HIVEP3: variants seen among roughly 807,000 people sequenced by gnomAD.
HIVEP3 encodes HIVEP zinc finger 3, also known as transcription factor HIVEP3.
A neutral mutation model predicts 152.8 loss-of-function variants in HIVEP3; 49 were observed. That is an observed-to-expected ratio of 0.32 (90% CI 0.26 to 0.41). HIVEP3 has a LOEUF of 0.41. Among genes scored for constraint, HIVEP3 ranks in the 10% least tolerant of loss-of-function variants. The probability of loss-of-function intolerance (pLI) is 1.00; values close to 1 mark genes in which losing one functional copy is unlikely to be tolerated. For synonymous variants in HIVEP3, 1,269 were observed against 1,289.0 expected (o/e 0.98, Z 0.33); for missense variants, 2,790 against 3,103.3 (o/e 0.90, Z 2.40).
At chr1:41,899,786 C>T (rs1644591637) in intron 1 of HIVEP3, among the ~76,000 whole-genome samples, 1 of 152,182 alleles carries the variant, frequency 6.6e-6, no homozygotes. Context: ...CTATGAAGTA[C>T]TATTATTACC....
chr1:41,775,359 T>C (rs180818860), intron 1 of HIVEP3, among the ~76,000 whole-genome samples: 2 of 152,354 alleles, frequency 1.3e-5, no homozygotes, highest in Admixed American at 1.3e-4. Flanking sequence ...CTGTTCTTTC[T>C]AGCAGAGCTG....
At chr1:41,527,962 C>G (rs1643056145) in intron 5 of HIVEP3, among the ~76,000 whole-genome samples, 1 of 148,004 alleles carries the variant, frequency 6.8e-6, no homozygotes, top group Non-Finnish European at 1.5e-5. Flanking sequence ...GCACCCCACA[C>G]CCTTGCATTC....
intron 1 of HIVEP3, among the ~76,000 whole-genome samples, chr1:42,034,588 G>C (rs1645630577): frequency 6.6e-6 from 1 of 152,200 alleles, no homozygotes; most frequent in South Asian, 2.1e-4. Context: ...AGGCAGGACT[G>C]TACACTTATG....
intron 1 of HIVEP3, among the ~76,000 whole-genome samples, chr1:41,961,348 G>A (rs920433893): frequency 6.6e-6 from 1 of 152,206 alleles, no homozygotes; most frequent in Admixed American, 6.5e-5. Flanking sequence ...TAAAATGATT[G>A]CTATTATTTT....
intron 1 of HIVEP3, among the ~76,000 whole-genome samples, chr1:41,972,616 C>T (rs1362175033): frequency 1.3e-5 from 2 of 152,158 alleles, no homozygotes; most frequent in African/African-American, 2.4e-5. Flanking sequence ...ACCTGATCTA[C>T]TTTAAGAGTC....
At chr1:41,858,184 T>C (rs1399308031) in intron 1 of HIVEP3, among the ~76,000 whole-genome samples, 1 of 151,938 alleles carries the variant, frequency 6.6e-6, no homozygotes, top group Non-Finnish European at 1.5e-5. Context: ...TAGGTGGCCC[T>C]GCAGATGCTA....
At chr1:42,017,304 T>A (rs1645528971) in intron 1 of HIVEP3, among the ~76,000 whole-genome samples, 1 of 152,198 alleles carries the variant, frequency 6.6e-6, no homozygotes, top group Non-Finnish European at 1.5e-5. Flanking sequence ...CAGGTTTTTT[T>A]AAATAAAAAA....
intron 1 of HIVEP3, among the ~76,000 whole-genome samples, chr1:41,843,171 C>T (rs1164453964): frequency 1.1e-4 from 16 of 152,136 alleles, no homozygotes; most frequent in African/African-American, 2.4e-5. Flanking sequence ...CCACATTTCA[C>T]GGCATATGCG....
At chr1:41,950,813 TA>T (rs1031928291) in intron 1 of HIVEP3, among the ~76,000 whole-genome samples, 1 of 152,232 alleles carries the variant, frequency 6.6e-6, no homozygotes. Context: ...ACTATTGATT[TA>T]AAAAATAAAA....
intron 5 of HIVEP3, among the ~76,000 whole-genome samples, chr1:41,538,079 G>T (rs1381309339): frequency 6.6e-6 from 1 of 152,210 alleles, no homozygotes. Flanking sequence ...TACAGACAAT[G>T]AGCAAAGTGC....
intron 1 of HIVEP3, among the ~76,000 whole-genome samples, chr1:41,710,291 C>A (rs1215341824): frequency 6.6e-6 from 1 of 152,116 alleles, no homozygotes; most frequent in East Asian, 1.9e-4. Context: ...TAAAAGTGTA[C>A]CCTCTTCATG....
chr1:41,727,805 C>T (rs1185021789), intron 1 of HIVEP3, among the ~76,000 whole-genome samples: 2 of 152,328 alleles, frequency 1.3e-5, no homozygotes, highest in Non-Finnish European at 1.5e-5. Context: ...CAGCTACTTC[C>T]TGCTGGGTCA....
rs960660024 is a variant in HIVEP3 at position 41,903,735 on chromosome 1, C to A, written c.-801+14678G>T. On this transcript the variant is annotated intron_variant, in intron 1 of 8. Coordinates refer to ENST00000372583, the MANE Select transcript of HIVEP3 (RefSeq NM_024503.5). ...GCTGGCCAGGAGCTAAGGCTGATGG[C>A]TTTCTGTCCAGGGAGCCGTTTAGAC... 6.6e-5 allele frequency among the ~76,000 whole-genome samples: 10 copies of A among 152,114 alleles called. No individual in the cohort carries two copies. In the South Asian group the frequency reaches 1.2e-3, roughly 19 times the overall value.
chr1:41,715,758 TG>T (rs1450636372), intron 1 of HIVEP3, among the ~76,000 whole-genome samples: 2 of 152,218 alleles, frequency 1.3e-5, no homozygotes, highest in East Asian at 3.9e-4. Flanking sequence ...CTTAGGACTA[TG>T]GTTGGGCCTC....
chr1:41,620,782 C>T (rs1042464232), intron 3 of HIVEP3, among the ~76,000 whole-genome samples: 2 of 152,202 alleles, frequency 1.3e-5, no homozygotes, highest in African/African-American at 4.8e-5. Flanking sequence ...CCCATTCACC[C>T]AGTCACTCAC....
intron 1 of HIVEP3, among the ~76,000 whole-genome samples, chr1:41,960,003 G>A (rs1645161084): frequency 6.6e-6 from 1 of 152,204 alleles, no homozygotes; most frequent in East Asian, 1.9e-4. Context: ...TACATATGAC[G>A]GGTGACCCAC....
At chr1:41,726,814 C>T (rs1325096399) in intron 1 of HIVEP3, among the ~76,000 whole-genome samples, 2 of 152,124 alleles carry the variant, frequency 1.3e-5, no homozygotes, top group South Asian at 2.1e-4. Flanking sequence ...GCAGAGCTGT[C>T]GAACAATGGA....
chr1:41,637,711 T>C (rs7413657), intron 2 of HIVEP3, among the ~76,000 whole-genome samples: 90,256 of 152,090 alleles, frequency 0.59, 26,969 homozygotes, highest in Non-Finnish European at 0.61. Context: ...GCAGAATGGG[T>C]GGGGCTTGAA....
At chr1:41,657,844 G>T (rs1291796784) in intron 2 of HIVEP3, among the ~76,000 whole-genome samples, 1 of 152,214 alleles carries the variant, frequency 6.6e-6, no homozygotes, top group Admixed American at 6.5e-5. Context: ...GGACAAGGGG[G>T]TCGGAGCCAC....
Sources: gnomAD v4.1 joint callset for allele counts (sites outside exome capture counted in the v4.1 genomes callset) on GRCh38, gnomAD v4.1.1 for gene constraint, MANE v1.5 for transcripts, NCBI Gene and HGNC (gene_info 2026-07-23, HGNC 2026-07-21) for gene names.